PLCB4: variants seen among roughly 807,000 people sequenced by gnomAD.
PLCB4 encodes the protein 1-phosphatidylinositol 4,5-bisphosphate phosphodiesterase beta-4.
PLCB4 carries 77 observed loss-of-function variants against 178.8 expected under a neutral mutation model. The observed-to-expected ratio is 0.43, with a 90% CI of 0.36 to 0.52. PLCB4 has a LOEUF of 0.52. PLCB4 is among the 20% of genes least tolerant of loss of function. PLCB4 has a pLI of 0.00. For synonymous variants in PLCB4, 496 were observed against 490.8 expected (o/e 1.01, Z -0.14); for missense variants, 1,024 against 1,453.4 (o/e 0.70, Z 4.80).
intron 27 of PLCB4, among the ~76,000 whole-genome samples, chr20:9,423,164 TAAC>T (rs1385942033): frequency 6.6e-6 from 1 of 152,222 alleles, no homozygotes; most frequent in Non-Finnish European, 1.5e-5. Flanking sequence ...TTACTCTATT[TAAC>T]ATCCCAACAT....
chr20:9,083,009 A>G (rs6086758), intron 1 of PLCB4, among the ~76,000 whole-genome samples: 74,109 of 152,036 alleles, frequency 0.49, 18,571 homozygotes, highest in Middle Eastern at 0.57. Flanking sequence ...CAGGTTTTCC[A>G]TAAAGATTGA....
chr20:9,438,666 G>A (rs537279550), intron 30 of PLCB4, among the ~76,000 whole-genome samples: 4 of 152,152 alleles, frequency 2.6e-5, no homozygotes, highest in Admixed American at 6.5e-5. Context: ...AGAATACTTA[G>A]AAGGCAGAAT....
intron 13 of PLCB4, among the ~76,000 whole-genome samples, chr20:9,383,008 G>A (rs906735006): frequency 1.3e-5 from 2 of 152,096 alleles, no homozygotes; most frequent in African/African-American, 4.8e-5. Flanking sequence ...ATTCATATAT[G>A]GACTTCTGTA....
intron 3 of PLCB4, among the ~76,000 whole-genome samples, chr20:9,235,680 G>A (rs915110113): frequency 2.6e-5 from 4 of 152,188 alleles, no homozygotes; most frequent in Non-Finnish European, 4.4e-5. Context: ...AGATAATCCT[G>A]TAAATGCCCC....
intron 3 of PLCB4, among the ~76,000 whole-genome samples, chr20:9,279,922 T>A (rs1403283768): frequency 4.6e-5 from 7 of 152,094 alleles, no homozygotes; most frequent in Admixed American, 4.6e-4. Context: ...TTTAATGGCC[T>A]TATACTGTTT....
chr20:9,448,283 CT>C (rs1035975741), intron 32 of PLCB4, among the ~76,000 whole-genome samples: 4 of 152,098 alleles, frequency 2.6e-5, no homozygotes, highest in African/African-American at 9.7e-5. Flanking sequence ...ATCTACAGCT[CT>C]TTTATAATAG....
intron 2 of PLCB4, among the ~76,000 whole-genome samples, chr20:9,120,556 C>A (rs1051204938): frequency 5.3e-5 from 8 of 152,118 alleles, no homozygotes; most frequent in Non-Finnish European, 8.8e-5. Flanking sequence ...AAAATCTCTC[C>A]CATGTTCATC....
chr20:9,318,126 G>T (rs995069833), intron 4 of PLCB4, among the ~76,000 whole-genome samples: 3 of 152,004 alleles, frequency 2.0e-5, no homozygotes, highest in Non-Finnish European at 4.4e-5. Flanking sequence ...TCCAGCCTGG[G>T]TGACAGTGAC....
Position 9,435,711 on chromosome 20 carries a change from T to A in PLCB4, c.2613+63T>A, listed in dbSNP as rs377372060. The A allele has an allele frequency of 8.2e-5, 78 of 945,580 alleles. No individual in the cohort carries two copies. In the Admixed American group the frequency reaches 1.5e-3, roughly 18 times the overall value. The allele number at this position is 945,580 out of a possible 1,614,324, so 58.6% of individuals were successfully genotyped here. ...GGGAGTTTGATTATCAAACAGTGTT[T>A]ACAAAAACAAGACAAAGTAATGAAT... On this transcript the variant is annotated intron_variant, in intron 29 of 39. Coordinates refer to ENST00000378473, the MANE Select transcript of PLCB4 (RefSeq NM_001377142.1).
At chr20:9,356,143 TG>T (rs1382898801) in intron 7 of PLCB4, among the ~76,000 whole-genome samples, 3 of 152,206 alleles carry the variant, frequency 2.0e-5, no homozygotes, top group Non-Finnish European at 2.9e-5. Context: ...TTGATGGGGT[TG>T]TTTTTTTCTT....
At chr20:9,339,890 G>A (rs1223770446) in intron 7 of PLCB4, among the ~76,000 whole-genome samples, 1 of 152,160 alleles carries the variant, frequency 6.6e-6, no homozygotes, top group African/African-American at 2.4e-5. Flanking sequence ...CGAAGAAGTA[G>A]AAAGCCTCGT....
At chr20:9,176,363 G>A (rs2093154932) in intron 2 of PLCB4, among the ~76,000 whole-genome samples, 1 of 152,160 alleles carries the variant, frequency 6.6e-6, no homozygotes, top group Non-Finnish European at 1.5e-5. Context: ...AAATAAGAAT[G>A]GAATGGCTGG....
chr20:9,475,248 C>T (rs976565471), intron 38 of PLCB4, among the ~76,000 whole-genome samples: 5 of 152,238 alleles, frequency 3.3e-5, no homozygotes, highest in African/African-American at 1.2e-4. Flanking sequence ...CAGAATTACT[C>T]ATCACTACAA....
At chr20:9,121,023 C>T (rs186261096) in intron 2 of PLCB4, among the ~76,000 whole-genome samples, 65 of 152,246 alleles carry the variant, frequency 4.3e-4, no homozygotes, top group Admixed American at 2.0e-4. Flanking sequence ...CACCCCTCAC[C>T]GGGATGATCT....
intron 28 of PLCB4, 28 bp downstream of exon 28, chr20:9,423,980 T>C (rs1197257052): frequency 7.5e-7 from 1 of 1,326,058 alleles, no homozygotes; most frequent in African/African-American, 1.4e-5. Context: ...GTACGGAATA[T>C]GATATAGATG....
At chr20:9,409,760 A>T (rs2039723591) in intron 24 of PLCB4, among the ~76,000 whole-genome samples, 2 of 150,966 alleles carry the variant, frequency 1.3e-5, no homozygotes, top group Admixed American at 6.6e-5. Flanking sequence ...ATATATAATG[A>T]CTTTTTTTTT....
chr20:9,124,060 ATTC>A (rs2092046274), intron 2 of PLCB4, among the ~76,000 whole-genome samples: 1 of 152,132 alleles, frequency 6.6e-6, no homozygotes. Context: ...TTGAAATATT[ATTC>A]TTCTTTTAAT....
intron 2 of PLCB4, among the ~76,000 whole-genome samples, chr20:9,099,008 A>C (rs1261780423): frequency 2.0e-5 from 3 of 151,786 alleles, no homozygotes; most frequent in African/African-American, 4.8e-5. Flanking sequence ...ATATATGAAT[A>C]TGAAGTGTTA....
chr20:9,360,957 AAAAAGAAAC>A (rs1430078994), intron 7 of PLCB4, among the ~76,000 whole-genome samples: 15 of 152,202 alleles, frequency 9.9e-5, no homozygotes, highest in Admixed American at 9.2e-4. Context: ...TACTACTTAA[AAAAAGAAAC>A]AAACAAACAA....
Sources: allele counts gnomAD v4.1 joint callset (sites outside exome capture counted in the v4.1 genomes callset), GRCh38; gene constraint gnomAD v4.1.1; transcripts MANE v1.5; gene names NCBI Gene and HGNC (gene_info 2026-07-23, HGNC 2026-07-21).